Variants in ANK2 observed in about 807,000 individuals in gnomAD.
The protein encoded by ANK2 is ankyrin 2, also known as ankyrin-2.
ANK2 carries 83 observed loss-of-function variants against 360.5 expected under a neutral mutation model. The ratio of observed to expected loss-of-function variants is 0.23; its 90% confidence interval spans 0.19 to 0.28. The LOEUF (loss-of-function observed/expected upper bound fraction) is 0.28, where lower values mean the gene tolerates loss of function less well. Among genes scored for constraint, ANK2 ranks in the 10% least tolerant of loss-of-function variants. ANK2 has a pLI of 1.00. For missense variants in ANK2, 4,201 were observed against 4,795.7 expected (o/e 0.88, Z 3.66); for synonymous variants, 1,740 against 1,759.5 (o/e 0.99, Z 0.28).
chr4:113,264,365 A>G (rs2054715086), intron 13 of ANK2, among the ~76,000 whole-genome samples: 1 of 152,240 alleles, frequency 6.6e-6, no homozygotes. Flanking sequence ...GTTAAGTGAG[A>G]CAATGACAGA....
chr4:113,132,430 C>G (rs529216046), intron 1 of ANK2, among the ~76,000 whole-genome samples: 129 of 152,224 alleles, frequency 8.5e-4, no homozygotes, highest in African/African-American at 2.9e-3. Context: ...TAAAATTTGA[C>G]TAAGGGATAG....
chr4:113,143,592 G>A (rs777512167), intron 1 of ANK2, among the ~76,000 whole-genome samples: 6 of 152,124 alleles, frequency 3.9e-5, no homozygotes, highest in Non-Finnish European at 7.4e-5. Context: ...AAAAGTGTGC[G>A]TGGGGGAGTG....
rs1299479459 is a variant in ANK2 at position 113,023,034 on chromosome 4, TAG to T, written c.21+118521_21+118522del. ...GCTAATGCATGTGGGACCTAATACC[TAG>T]GTGATGAGTTGATAGGTGCAGCCAA... On this transcript the variant is annotated intron_variant, in intron 2 of 30. Transcript: ENST00000503271. 5.3e-5 allele frequency among the ~76,000 whole-genome samples: 8 copies of T among 152,240 alleles called. No individual in the cohort carries two copies. In the East Asian group the frequency reaches 1.5e-3, roughly 29 times the overall value.
At position 113,250,761 on chromosome 4, in the gene ANK2, C is replaced by CCT. The variant is rs574931973; in HGVS notation, c.990+900_990+901insTC. ...CATTCCACCTCATACCACCGCCCCC[C>CCT]CCCCCGACAGAGTTGGTATCAACTA... On this transcript the variant is annotated intron_variant, in intron 10 of 45. Transcript: ENST00000357077. 8.0e-5 allele frequency among the ~76,000 whole-genome samples: 11 copies of CCT among 137,894 alleles called. 3 individuals carry two copies. The South Asian group carries it at 2.3e-3, about 28-fold the overall frequency. The allele number at this position is 137,894 out of a possible 152,430, so 90.5% of individuals were successfully genotyped here. A position where few individuals can be genotyped will look rare whatever the true frequency, so the allele number is the denominator to read the frequency against.
intron 2 of ANK2, among the ~76,000 whole-genome samples, chr4:112,996,930 T>G (rs771716660): frequency 6.6e-6 from 1 of 152,084 alleles, no homozygotes; most frequent in African/African-American, 2.4e-5. Flanking sequence ...CTGGTAACCA[T>G]CCTTCTCCCT....
the ANK2 span, among the ~76,000 whole-genome samples, chr4:112,715,350 G>A: frequency 2.6e-5 from 4 of 152,072 alleles, no homozygotes; most frequent in Non-Finnish European, 5.9e-5. Context: ...CAGTGGTAGG[G>A]GACGTACATC....
chr4:113,292,357 C>A, intron 20 of ANK2, 59 bp from the exon 21 acceptor site: 1 of 1,433,764 alleles, frequency 7.0e-7, no homozygotes, highest in Non-Finnish European at 9.7e-7. Context: ...GAAGGCTAAC[C>A]TAATTTTCCT....
chr4:112,767,872 T>C, the ANK2 span, among the ~76,000 whole-genome samples: 1 of 152,218 alleles, frequency 6.6e-6, no homozygotes, highest in Non-Finnish European at 1.5e-5. Context: ...CAAATATTCT[T>C]GTTACAGAGA....
chr4:112,718,935 TCGCATGAGCCACC>T, the ANK2 span, among the ~76,000 whole-genome samples: 4 of 69,200 alleles, frequency 5.8e-5, no homozygotes, highest in African/African-American at 2.2e-4. Flanking sequence ...CCGCACCCGG[TCGCATGAGCCACC>T]GCTCCCGGTC....
chr4:113,304,206 T>G (rs1447514943), intron 23 of ANK2, among the ~76,000 whole-genome samples: 1 of 152,254 alleles, frequency 6.6e-6, no homozygotes, highest in African/African-American at 2.4e-5. Context: ...TTATTATCTT[T>G]ACTTGTATGT....
rs563836631 is a variant in ANK2, at chr4:112,989,251, A to G, written c.21+84737A>G. 4.6e-5 allele frequency among the ~76,000 whole-genome samples: 7 copies of G among 152,268 alleles called. No homozygotes were observed. The South Asian group carries it at 1.2e-3, about 27-fold the overall frequency. ...AATAATAATAATGTAATATAGCTGA[A>G]ACTCATATAATTACTTCAATAGGAC... is the stretch of plus-strand genomic sequence containing the variant. On this transcript the variant is annotated intron_variant, in intron 2 of 30. Coordinates refer to the ANK2 transcript ENST00000503271.
the ANK2 span, among the ~76,000 whole-genome samples, chr4:112,707,386 G>C: frequency 6.6e-6 from 1 of 152,180 alleles, no homozygotes; most frequent in Non-Finnish European, 1.5e-5. Flanking sequence ...AAAAAGTAGT[G>C]TGTACAGTTT....
chr4:113,204,447 G>A (rs1009434700), intron 4 of ANK2, among the ~76,000 whole-genome samples: 2 of 152,064 alleles, frequency 1.3e-5, no homozygotes, highest in African/African-American at 4.8e-5. Flanking sequence ...TGTCTGGGGC[G>A]GTCAGTCTGC....
chr4:112,755,406 A>C, the ANK2 span, among the ~76,000 whole-genome samples: 1 of 152,354 alleles, frequency 6.6e-6, no homozygotes, highest in South Asian at 2.1e-4. Context: ...AAGGCTGTTT[A>C]TTTCACCTGG....
intron 45 of ANK2, among the ~76,000 whole-genome samples, chr4:113,373,977 A>T (rs1415321814): frequency 2.6e-5 from 4 of 152,112 alleles, no homozygotes; most frequent in Non-Finnish European, 2.9e-5. Flanking sequence ...CAGGCTGGAG[A>T]GCAGTGGCGT....
chr4:113,312,481 G>A (rs1383250691), intron 24 of ANK2, among the ~76,000 whole-genome samples: 6 of 151,734 alleles, frequency 4.0e-5, no homozygotes, highest in Middle Eastern at 3.4e-3. Flanking sequence ...CTTTTTCCTT[G>A]AGCACCAATG....
chr4:113,016,701 T>C (rs1435943342), intron 2 of ANK2, among the ~76,000 whole-genome samples: 2 of 152,052 alleles, frequency 1.3e-5, no homozygotes, highest in Non-Finnish European at 2.9e-5. Flanking sequence ...GGAATGAAAA[T>C]AGACAATAGG....
chr4:113,196,331 C>G (rs1056531022), intron 2 of ANK2, 37 bp from the exon 3 acceptor site: 13 of 1,537,672 alleles, frequency 8.5e-6, no homozygotes, highest in East Asian at 2.3e-5. Context: ...TTCCTCATTA[C>G]TTCACTTCTT....
chr4:113,095,625 G>C (rs1238028683), intron 1 of ANK2, among the ~76,000 whole-genome samples: 2 of 152,116 alleles, frequency 1.3e-5, no homozygotes, highest in African/African-American at 4.8e-5. Flanking sequence ...AGATTATGAG[G>C]ATTGGGGGAG....
Sources: gnomAD v4.1 joint callset for allele counts (sites outside exome capture counted in the v4.1 genomes callset) on GRCh38, gnomAD v4.1.1 for gene constraint, MANE v1.5 for transcripts, NCBI Gene and HGNC (gene_info 2026-07-23, HGNC 2026-07-21) for gene names.